Variants in CSMD1 observed in about 807,000 individuals in gnomAD.
CSMD1 encodes the protein CUB and sushi domain-containing protein 1.
Under a neutral mutation model 417.5 loss-of-function variants are expected in CSMD1, and 213 were observed. That is an observed-to-expected ratio of 0.51 (90% CI 0.46 to 0.57). The LOEUF is 0.57. CSMD1 is among the 20% of genes least tolerant of loss of function. CSMD1 has a pLI of 0.00. For missense variants in CSMD1, 6,923 were observed against 4,529.7 expected (o/e 1.53, Z -15.17); for synonymous variants, 2,862 against 1,736.8 (o/e 1.65, Z -16.11).
At chr8:4,152,651 G>A (rs1194372984) in intron 3 of CSMD1, among the ~76,000 whole-genome samples, 1 of 151,820 alleles carries the variant, frequency 6.6e-6, no homozygotes, top group Non-Finnish European at 1.5e-5. Flanking sequence ...GATTGTGCCA[G>A]CGCACCGCAA....
intron 3 of CSMD1, among the ~76,000 whole-genome samples, chr8:4,217,137 T>C (rs911792427): frequency 1.3e-5 from 2 of 152,196 alleles, no homozygotes; most frequent in East Asian, 3.9e-4. Context: ...CATAGTACTT[T>C]GTAGAAAAGC....
chr8:4,235,911 C>T (rs1802019727), intron 3 of CSMD1, among the ~76,000 whole-genome samples: 1 of 152,302 alleles, frequency 6.6e-6, no homozygotes, highest in African/African-American at 2.4e-5. Flanking sequence ...TGAGCCGCAG[C>T]TTCCGCCAAC....
intron 41 of CSMD1, chr8:3,128,059 G>C (rs534906036): frequency 6.6e-6 from 1 of 152,058 alleles, no homozygotes. Context: ...CTTTAACATG[G>C]CAAAATTTTT....
intron 19 of CSMD1, 127 bp from the exon 20 acceptor site, chr8:3,367,374 A>C: frequency 1.6e-6 from 1 of 641,802 alleles, no homozygotes; most frequent in Non-Finnish European, 2.7e-6. Context: ...GGAAGAGAAA[A>C]TAAGAGGGGA....
At chr8:4,820,908 G>T (rs954778560) in intron 1 of CSMD1, among the ~76,000 whole-genome samples, 4 of 152,106 alleles carry the variant, frequency 2.6e-5, no homozygotes, top group African/African-American at 9.7e-5. Flanking sequence ...CTCTTAACTT[G>T]CAGATGTGTA....
chr8:3,574,899 A>G, intron 10 of CSMD1, 46 bp downstream of exon 10: 1 of 1,600,982 alleles, frequency 6.2e-7, no homozygotes, highest in Non-Finnish European at 8.5e-7. Context: ...AGATCCTATA[A>G]GAGTGCTGTG....
At chr8:4,788,471 G>T in intron 1 of CSMD1, 1 of 1,313,620 alleles carries the variant, frequency 7.6e-7, no homozygotes, top group Non-Finnish European at 1.1e-6. Context: ...TCAATTTACT[G>T]CTCAGATATT....
chr8:4,806,106 C>A (rs1178518577), intron 1 of CSMD1, among the ~76,000 whole-genome samples: 1 of 152,110 alleles, frequency 6.6e-6, no homozygotes, highest in Admixed American at 6.5e-5. Context: ...AAAATGAACC[C>A]AGCAAAAACG....
At chr8:4,181,242 C>G (rs11993231) in intron 3 of CSMD1, among the ~76,000 whole-genome samples, 34,623 of 152,116 alleles carry the variant, frequency 0.23, 3,960 homozygotes, top group South Asian at 0.3. Flanking sequence ...TTATCTATAG[C>G]CATACCACCC....
intron 7 of CSMD1, among the ~76,000 whole-genome samples, chr8:3,635,919 T>C (rs534919412): frequency 1.1e-4 from 17 of 152,310 alleles, no homozygotes; most frequent in Middle Eastern, 3.4e-3. Flanking sequence ...TAACTTCCTG[T>C]AAGCTGACTT....
chr8:3,272,809 T>C (rs924747875), intron 26 of CSMD1, among the ~76,000 whole-genome samples: 8 of 150,572 alleles, frequency 5.3e-5, no homozygotes, highest in Admixed American at 4.7e-4. Context: ...TGAAGTTGCT[T>C]ATCAGCTTAA....
In CSMD1 at chr8:4,799,584, G is replaced by A. The variant is rs373439724; in HGVS notation, c.86-162026C>T. On this transcript the variant is annotated intron_variant, in intron 1 of 69. Coordinates refer to ENST00000635120, the MANE Select transcript of CSMD1 (RefSeq NM_033225.6). ...ACTGCACTGCAGCCTGTGTGAGAGA[G>A]CAAGACTCCGTCTCAAAAAAAAAAA... Among the ~76,000 whole-genome samples, 169 of 99,948 alleles carry A rather than the reference G, an allele frequency of 1.7e-3. 1 individual carries two copies. Among genetic ancestry groups the A allele is most frequent in the African/African-American group, 6.9e-3 (164 of 23,930 alleles). The allele number at this position is 99,948 out of a possible 152,430, so 65.6% of individuals were successfully genotyped here. A position where few individuals can be genotyped will look rare whatever the true frequency, so the allele number is the denominator to read the frequency against.
chr8:3,728,514 C>A (rs549091029), intron 6 of CSMD1, among the ~76,000 whole-genome samples: 1 of 152,192 alleles, frequency 6.6e-6, no homozygotes, highest in South Asian at 2.1e-4. Flanking sequence ...AAACTTAGCA[C>A]TTTTCTTTCA....
At chr8:3,553,251 C>A (rs780800782) in intron 10 of CSMD1, among the ~76,000 whole-genome samples, 1 of 152,142 alleles carries the variant, frequency 6.6e-6, no homozygotes, top group Non-Finnish European at 1.5e-5. Context: ...AGTAATGTAG[C>A]CATAGTTCGG....
chr8:3,266,604 C>CAAAAAAAA (rs60439183), intron 26 of CSMD1, among the ~76,000 whole-genome samples: 4 of 25,510 alleles, frequency 1.6e-4, no homozygotes, highest in African/African-American at 7.4e-4. Context: ...GACTCCCTCT[C>CAAAAAAAA]AAAAAAAAAA....
chr8:3,295,415 T>G (rs1290035531), intron 25 of CSMD1, among the ~76,000 whole-genome samples: 5 of 152,102 alleles, frequency 3.3e-5, no homozygotes, highest in Non-Finnish European at 4.4e-5. Flanking sequence ...TGTGAGCCAC[T>G]GAGCCCAGCC....
intron 10 of CSMD1, among the ~76,000 whole-genome samples, chr8:3,540,879 A>T (rs886268904): frequency 2.6e-5 from 4 of 152,198 alleles, no homozygotes; most frequent in African/African-American, 7.2e-5. Flanking sequence ...TCAAGAAACA[A>T]CAGATGCCGG....
rs1004440930 is a variant in CSMD1, at chr8:4,907,831, G to A, written c.85+86501C>T. Among the ~76,000 whole-genome samples, 7 of 151,796 alleles carry A rather than the reference G, an allele frequency of 4.6e-5. No individual in the cohort carries two copies. In the East Asian group the frequency reaches 1.4e-3, roughly 29 times the overall value. On this transcript the variant is annotated intron_variant, in intron 1 of 69. Coordinates refer to ENST00000635120, the MANE Select transcript of CSMD1 (RefSeq NM_033225.6). ...TCCTCTTTCCTCAGCCTCGCAAAGT[G>A]CTGGGATTACAGACAATAGCCATCT...
intron 4 of CSMD1, among the ~76,000 whole-genome samples, chr8:4,030,750 T>C (rs1028732675): frequency 2.0e-5 from 3 of 152,178 alleles, no homozygotes; most frequent in East Asian, 3.9e-4. Context: ...TTCTATCACA[T>C]TGTCAGACTG....
Sources: allele counts gnomAD v4.1 joint callset (sites outside exome capture counted in the v4.1 genomes callset), GRCh38; gene constraint gnomAD v4.1.1; transcripts MANE v1.5; gene names NCBI Gene and HGNC (gene_info 2026-07-23, HGNC 2026-07-21).